The following NKAIN2 variants were observed in gnomAD, a reference collection of about 807,000 sequenced individuals.
NKAIN2 encodes the protein sodium/potassium-transporting ATPase subunit beta-1-interacting protein 2.
Under a neutral mutation model 32.6 loss-of-function variants are expected in NKAIN2, and 14 were observed. The ratio of observed to expected loss-of-function variants is 0.43; its 90% CI spans 0.28 to 0.67. The LOEUF (loss-of-function observed/expected upper bound fraction) is 0.67, where lower values mean the gene tolerates loss of function less well. NKAIN2 is among the 30% of genes least tolerant of loss of function. NKAIN2 has a pLI of 0.17. For synonymous variants in NKAIN2, 80 were observed against 87.2 expected (o/e 0.92, Z 0.46); for missense variants, 198 against 258.3 (o/e 0.77, Z 1.60).
intron 3 of NKAIN2, among the ~76,000 whole-genome samples, chr6:124,421,364 A>G (rs1465800945): frequency 1.3e-5 from 2 of 152,194 alleles, no homozygotes; most frequent in African/African-American, 4.8e-5. Context: ...AGGAATTAGT[A>G]GTGATTACAC....
chr6:124,103,045 A>AGGAT (rs374668807), intron 1 of NKAIN2, among the ~76,000 whole-genome samples: 65 of 152,162 alleles, frequency 4.3e-4, no homozygotes, highest in African/African-American at 1.6e-3. Context: ...AAGAGTTCTA[A>AGGAT]TCCTAATTCC....
At chr6:123,912,433 A>G (rs1775261629) in intron 1 of NKAIN2, among the ~76,000 whole-genome samples, 1 of 152,192 alleles carries the variant, frequency 6.6e-6, no homozygotes, top group South Asian at 2.1e-4. Context: ...GCAGATTTCC[A>G]GCCTACATTT....
chr6:124,182,173 T>C (rs978395339), intron 1 of NKAIN2, among the ~76,000 whole-genome samples: 1 of 152,128 alleles, frequency 6.6e-6, no homozygotes, highest in Non-Finnish European at 1.5e-5. Context: ...CCATCGTATC[T>C]CATGAGACTC....
At chr6:124,346,514 G>A (rs992228383) in intron 2 of NKAIN2, among the ~76,000 whole-genome samples, 6 of 152,130 alleles carry the variant, frequency 3.9e-5, no homozygotes, top group Non-Finnish European at 7.3e-5. Flanking sequence ...GAATCTGGGT[G>A]CTCCTGTATT....
At chr6:124,131,496 C>A (rs79457366) in intron 1 of NKAIN2, among the ~76,000 whole-genome samples, 8,112 of 152,154 alleles carry the variant, frequency 0.053, 290 homozygotes, top group Middle Eastern at 0.12. Context: ...GAATTCAGAT[C>A]CTTTGAAAGA....
chr6:124,540,815 A>T (rs1779884759), intron 3 of NKAIN2, among the ~76,000 whole-genome samples: 1 of 152,208 alleles, frequency 6.6e-6, no homozygotes, highest in African/African-American at 2.4e-5. Context: ...ACTTTATTAT[A>T]AAATAGGCTT....
rs1562406783 is a variant in NKAIN2, at chr6:124,825,413, G to A, written c.*2184G>A. On this transcript the variant is annotated 3_prime_UTR_variant, in exon 7 of 7. Coordinates refer to ENST00000368417, the MANE Select transcript of NKAIN2 (RefSeq NM_001040214.3). Reference sequence around the variant, plus strand: ...AAGCACAGTAGTGTGATTATATCTGGGAAAACATCTACAGTTGTACAGCTG... The same window carrying A: ...AAGCACAGTAGTGTGATTATATCTGAGAAAACATCTACAGTTGTACAGCTG... 6.6e-6 allele frequency: 1 copy of A among 152,502 alleles called. No individual in the cohort carries two copies. The highest frequency in any genetic ancestry group is 2.4e-5 in the African/African-American group (1 of 41,410). The allele number at this position is 152,502 out of a possible 1,614,324, so 9.4% of individuals were successfully genotyped here. A position where few individuals can be genotyped will look rare whatever the true frequency, so the allele number is the denominator to read the frequency against.
intron 3 of NKAIN2, among the ~76,000 whole-genome samples, chr6:124,396,998 C>A (rs920724125): frequency 6.6e-6 from 1 of 151,982 alleles, no homozygotes; most frequent in African/African-American, 2.4e-5. Context: ...AATGATTTTA[C>A]TTTTTTATCT....
At chr6:124,230,013 A>C (rs1031462585) in intron 1 of NKAIN2, among the ~76,000 whole-genome samples, 17 of 152,158 alleles carry the variant, frequency 1.1e-4, no homozygotes, top group African/African-American at 3.6e-4. Context: ...TAGAGGGCAC[A>C]GAAGAAGACA....
intron 1 of NKAIN2, among the ~76,000 whole-genome samples, chr6:123,953,591 G>A (rs1361810027): frequency 1.3e-5 from 2 of 152,036 alleles, no homozygotes; most frequent in African/African-American, 2.4e-5. Context: ...TAGTAGCAGC[G>A]GGTTGGGTGG....
At chr6:124,153,321 G>A (rs1374715650) in intron 1 of NKAIN2, among the ~76,000 whole-genome samples, 1 of 151,654 alleles carries the variant, frequency 6.6e-6, no homozygotes, top group African/African-American at 2.4e-5. Flanking sequence ...TATGGATATT[G>A]TAGATTCTTT....
At chr6:124,635,034 A>G (rs1350395278) in intron 3 of NKAIN2, among the ~76,000 whole-genome samples, 3 of 151,542 alleles carry the variant, frequency 2.0e-5, no homozygotes, top group Non-Finnish European at 3.0e-5. Context: ...GGAAAGGAAG[A>G]AGAGGAAGGA....
chr6:124,817,842 T>A (rs1582577675), intron 5 of NKAIN2, among the ~76,000 whole-genome samples: 1 of 152,336 alleles, frequency 6.6e-6, no homozygotes, highest in East Asian at 1.9e-4. Context: ...TACCTCTGAT[T>A]GTTTAAGATG....
At chr6:124,819,114 C>G (rs1781288909) in intron 6 of NKAIN2, 1 of 971,450 alleles carries the variant, frequency 1.0e-6, no homozygotes, top group African/African-American at 1.8e-5. Flanking sequence ...CAACTGATAA[C>G]AAATTCTATA....
At chr6:124,440,498 T>G (rs1775641702) in intron 3 of NKAIN2, among the ~76,000 whole-genome samples, 1 of 152,090 alleles carries the variant, frequency 6.6e-6, no homozygotes. Flanking sequence ...CTGAGAAGTC[T>G]GATCCTCTTG....
intron 2 of NKAIN2, among the ~76,000 whole-genome samples, chr6:124,348,640 C>T (rs1413708700): frequency 6.6e-6 from 1 of 152,208 alleles, no homozygotes; most frequent in African/African-American, 2.4e-5. Flanking sequence ...ATAGGAACAG[C>T]TCCGGTCTAC....
At chr6:124,666,190 G>A (rs1176935511) in intron 4 of NKAIN2, among the ~76,000 whole-genome samples, 1 of 152,116 alleles carries the variant, frequency 6.6e-6, no homozygotes, top group African/African-American at 2.4e-5. Flanking sequence ...AAATGTGTTT[G>A]TTTTTCTGTA....
chr6:124,442,364 C>T (rs76152966), intron 3 of NKAIN2, among the ~76,000 whole-genome samples: 16 of 152,044 alleles, frequency 1.1e-4, no homozygotes, highest in African/African-American at 3.9e-4. Context: ...CATCAATGCC[C>T]TTTTTTCTTT....
At chr6:124,289,263 ATTT>A (rs901715649) in intron 2 of NKAIN2, among the ~76,000 whole-genome samples, 1 of 151,960 alleles carries the variant, frequency 6.6e-6, no homozygotes, top group South Asian at 2.1e-4. Context: ...GTTTTACTAC[ATTT>A]TTTTTAACGT....
Sources: allele counts gnomAD v4.1 joint callset (sites outside exome capture counted in the v4.1 genomes callset), GRCh38; gene constraint gnomAD v4.1.1; transcripts MANE v1.5; gene names NCBI Gene and HGNC (gene_info 2026-07-23, HGNC 2026-07-21).